Variants in PTPN14 observed in about 807,000 individuals in gnomAD.
PTPN14 encodes the protein tyrosine-protein phosphatase non-receptor type 14.
In PTPN14, 53 loss-of-function variants were observed where a neutral mutation model predicts 126.8. The observed-to-expected ratio is 0.42, with a 90% CI of 0.34 to 0.53. PTPN14 has a LOEUF of 0.53. Among genes scored for constraint, PTPN14 ranks in the 20% least tolerant of loss-of-function variants. The probability of loss-of-function intolerance (pLI) is 0.08; values close to 1 mark genes in which losing one functional copy is unlikely to be tolerated. For synonymous variants in PTPN14, 630 were observed against 599.3 expected (o/e 1.05, Z -0.75); for missense variants, 1,257 against 1,552.9 (o/e 0.81, Z 3.20).
At position 214,402,437 on chromosome 1, in the gene PTPN14, C is replaced by CAAAAAAAAAAAAAAAA. The variant is rs1165595746; in HGVS notation, c.581+430_581+445dup. ...CCTGGGTGACAGAGCGAGACTCTGT[C>CAAAAAAAAAAAAAAAA]AAAAAAAAAAAAAAAAAAAAAAGCC... is the stretch of plus-strand genomic sequence containing the variant. On this transcript the variant is annotated intron_variant, in intron 6 of 18. Coordinates refer to ENST00000366956, the MANE Select transcript of PTPN14 (RefSeq NM_005401.5). Among the ~76,000 whole-genome samples, 94 of 48,142 alleles carry CAAAAAAAAAAAAAAAA rather than the reference C, an allele frequency of 2.0e-3. 10 individuals are homozygous for CAAAAAAAAAAAAAAAA. Among genetic ancestry groups the CAAAAAAAAAAAAAAAA allele is most frequent in the African/African-American group, 7.8e-3 (81 of 10,392 alleles). 31.6% of individuals were successfully genotyped at this position (48,142 alleles called of 152,430 possible).
At chr1:214,519,829 G>A (rs571184148) in intron 1 of PTPN14, among the ~76,000 whole-genome samples, 478 of 151,864 alleles carry the variant, frequency 3.1e-3, no homozygotes, top group African/African-American at 0.011. Context: ...GGGGGCGGAC[G>A]GCTTTAGCCC....
intron 3 of PTPN14, among the ~76,000 whole-genome samples, chr1:214,417,772 C>T (rs1444560099): frequency 6.6e-6 from 1 of 152,118 alleles, no homozygotes; most frequent in Non-Finnish European, 1.5e-5. Flanking sequence ...AATAAGGCAC[C>T]AGGAACTCAG....
In PTPN14 at chr1:214,393,554, C is replaced by T. The variant is rs1223189586; in HGVS notation, c.929+141G>A. On this transcript the variant is annotated intron_variant, in intron 10 of 18. Coordinates refer to ENST00000366956, the MANE Select transcript of PTPN14 (RefSeq NM_005401.5). ...TCATCATTAAAGTTTTCATTCCTGC[C>T]CTGGCTTTAGCTTACTTCATTAGCT... 6 of 682,302 alleles carry T rather than the reference C, an allele frequency of 8.8e-6. No individual in the cohort carries two copies. The Admixed American group carries it at 1.2e-4, about 13-fold the overall frequency. 42.3% of individuals were successfully genotyped at this position (682,302 alleles called of 1,614,324 possible). A position where few individuals can be genotyped will look rare whatever the true frequency, so the allele number is the denominator to read the frequency against.
intron 13 of PTPN14, among the ~76,000 whole-genome samples, chr1:214,382,763 GAATT>G (rs1658503760): frequency 6.6e-6 from 1 of 152,204 alleles, no homozygotes; most frequent in South Asian, 2.1e-4. Flanking sequence ...GTTCAATGGA[GAATT>G]ATTTATCCAA....
intron 1 of PTPN14, among the ~76,000 whole-genome samples, chr1:214,481,895 G>A (rs61819642): frequency 6.6e-6 from 1 of 151,654 alleles, no homozygotes; most frequent in Non-Finnish European, 1.5e-5. Flanking sequence ...GCTGAGGCAG[G>A]AGAATGGCGT....
In PTPN14 at chr1:214,494,779, T is replaced by C. The variant is rs1172058670; in HGVS notation, c.-154-29822A>G. ...ACTGAGTTACCACTACACTACTGAA[T>C]GGAAGGGAGAGAAGGGGGAAGGGCA... On this transcript the variant is annotated intron_variant, in intron 1 of 18. Coordinates refer to ENST00000366956, the MANE Select transcript of PTPN14 (RefSeq NM_005401.5). Among the ~76,000 whole-genome samples, 5 of 152,130 alleles carry C rather than the reference T, an allele frequency of 3.3e-5. 1 individual carries two copies. In the South Asian group the frequency reaches 8.3e-4, roughly 25 times the overall value.
intron 2 of PTPN14, among the ~76,000 whole-genome samples, chr1:214,463,529 T>C (rs1660559347): frequency 6.6e-6 from 1 of 151,488 alleles, no homozygotes; most frequent in Non-Finnish European, 1.5e-5. Context: ...GGTGAAACAG[T>C]TTCCCTGAGA....
chr1:214,397,870 T>C, intron 8 of PTPN14, 43 bp downstream of exon 8: 2 of 1,479,720 alleles, frequency 1.4e-6, no homozygotes, highest in South Asian at 2.3e-5. Context: ...TTACAGTTCC[T>C]CAAGGTAAAA....
At chr1:214,536,594 G>T (rs1405168053) in intron 1 of PTPN14, among the ~76,000 whole-genome samples, 1 of 151,818 alleles carries the variant, frequency 6.6e-6, no homozygotes, top group Non-Finnish European at 1.5e-5. Context: ...AGACCAGCTT[G>T]CGTAACCTAG....
At chr1:214,503,296 T>C (rs1280532359) in intron 1 of PTPN14, among the ~76,000 whole-genome samples, 1 of 152,192 alleles carries the variant, frequency 6.6e-6, no homozygotes, top group Non-Finnish European at 1.5e-5. Context: ...CTGTCCTAAG[T>C]ATATGTGAGT....
Position 214,466,772 on chromosome 1 carries a change from C to T in PTPN14, c.-154-1815G>A, listed in dbSNP as rs540724585. Among the ~76,000 whole-genome samples, 4 of 152,282 alleles carry T rather than the reference C, an allele frequency of 2.6e-5. No homozygotes were observed. The South Asian group carries it at 6.2e-4, about 24-fold the overall frequency. ...TACACTCTTCATCCATCTGCCGACA[C>T]AGGATTACCCCCTGAGCCCCAAGAC... On this transcript the variant is annotated intron_variant, in intron 1 of 18. Transcript: ENST00000366956.
At chr1:214,537,695 A>G (rs1408836083) in intron 1 of PTPN14, among the ~76,000 whole-genome samples, 1 of 152,142 alleles carries the variant, frequency 6.6e-6, no homozygotes, top group Non-Finnish European at 1.5e-5. Context: ...ACCTATAACT[A>G]CTTTTACTTT....
chr1:214,404,880 A>G (rs915283559), intron 5 of PTPN14, among the ~76,000 whole-genome samples: 5 of 152,208 alleles, frequency 3.3e-5, no homozygotes, highest in Non-Finnish European at 7.3e-5. Flanking sequence ...AAAGGAATGC[A>G]TTCTCTTTGA....
At chr1:214,535,655 G>A (rs538074588) in intron 1 of PTPN14, among the ~76,000 whole-genome samples, 52 of 151,956 alleles carry the variant, frequency 3.4e-4, no homozygotes, top group South Asian at 1.9e-3. Context: ...GGCGCATGCC[G>A]GTAATCCCAG....
chr1:214,374,413 C>T (rs898141506), intron 15 of PTPN14, among the ~76,000 whole-genome samples: 2 of 152,194 alleles, frequency 1.3e-5, no homozygotes, highest in African/African-American at 4.8e-5. Context: ...GCCTCTCTGG[C>T]ACCCAACGTA....
chr1:214,384,641 T>C lies in PTPN14; in HGVS notation c.1214A>G (p.Gln405Arg), dbSNP rs767779808. 6.2e-7 allele frequency: 1 copy of C among 1,614,184 alleles called. No individual in the cohort carries two copies. Among genetic ancestry groups the C allele is most frequent in the Non-Finnish European group, 8.5e-7 (1 of 1,180,036 alleles). ...GAGGTTGGAGGATACAGGGGAGGCC[T>C]GGATGAAACTTTGCGAGCAGTTGAG... Reference protein sequence around the residue: ...NSLNCSQSFIQASPVSSNLSI... With the variant: ...NSLNCSQSFIRASPVSSNLSI... Residue 405 changes from glutamine to arginine, a missense_variant, in exon 13 of 19, where the codon CAG becomes CGG. Around this residue, in one of 3 missense-constraint regions of PTPN14, gnomAD observed 1,021 missense variants for 1,183.3 expected, o/e 0.86. Transcript: ENST00000366956. The surrounding 1 kb of genome is among the most constrained non-coding windows in gnomAD (Gnocchi z 5.3).
chr1:214,502,620 A>G (rs1434981189), intron 1 of PTPN14, among the ~76,000 whole-genome samples: 1 of 152,084 alleles, frequency 6.6e-6, no homozygotes, highest in African/African-American at 2.4e-5. Flanking sequence ...CAGCCTCCCA[A>G]AGTGCTGGGA....
chr1:214,455,397 G>T (rs148108290), intron 2 of PTPN14, among the ~76,000 whole-genome samples: 11 of 152,300 alleles, frequency 7.2e-5, no homozygotes, highest in Admixed American at 2.0e-4. Context: ...CATATTACCT[G>T]AGTAAATGCC....
chr1:214,415,145 C>T (rs1449716510), intron 3 of PTPN14, among the ~76,000 whole-genome samples: 2 of 152,190 alleles, frequency 1.3e-5, no homozygotes, highest in Non-Finnish European at 2.9e-5. Flanking sequence ...CTCAAAAGTT[C>T]GGTAAGGCAG....
Sources: allele counts gnomAD v4.1 joint callset (sites outside exome capture counted in the v4.1 genomes callset), GRCh38; gene constraint gnomAD v4.1.1; regional missense constraint gnomAD v4.1.1; non-coding constraint Gnocchi (gnomAD v3.1); transcripts MANE v1.5; gene names NCBI Gene and HGNC (gene_info 2026-07-23, HGNC 2026-07-21).